Variants in BNC2 observed in about 807,000 individuals in gnomAD.
BNC2 encodes the protein zinc finger protein basonuclin-2.
BNC2 carries 20 observed loss-of-function variants against 76.3 expected under a neutral mutation model. The ratio of observed to expected loss-of-function variants is 0.26; its 90% CI spans 0.18 to 0.38. BNC2 has a LOEUF of 0.38. Among genes scored for constraint, BNC2 ranks in the 10% least tolerant of loss-of-function variants. The pLI is 1.00. For missense variants in BNC2, 1,382 were observed against 1,399.8 expected, an observed-to-expected ratio of 0.99 and a Z score of 0.20; for synonymous variants, 582 against 514.8, an observed-to-expected ratio of 1.13 and a Z score of -1.77.
At chr9:16,560,720 G>T (rs758880898) in intron 4 of BNC2, among the ~76,000 whole-genome samples, 2 of 152,108 alleles carry the variant, frequency 1.3e-5, no homozygotes, top group Admixed American at 6.6e-5. Context: ...GAATGAGACC[G>T]CATCTCTAAA....
chr9:16,808,260 G>C lies in BNC2; in HGVS notation c.3+62386C>G, dbSNP rs570977333. Among the ~76,000 whole-genome samples the C allele has an allele frequency of 2.0e-5, 3 of 152,030 alleles. No homozygotes were observed. The South Asian group carries it at 6.2e-4, about 32-fold the overall frequency. ...ACTGACAGCAAATTATCTTTTGTTA[G>C]GCTAATTACCCACCATTTTCATTAT... On this transcript the variant is annotated intron_variant, in intron 1 of 6. Coordinates refer to ENST00000380672, the MANE Select transcript of BNC2 (RefSeq NM_017637.6).
intron 3 of BNC2, among the ~76,000 whole-genome samples, chr9:16,721,018 C>A (rs1297448240): frequency 2.0e-5 from 3 of 152,138 alleles, no homozygotes; most frequent in Non-Finnish European, 4.4e-5. Flanking sequence ...ATAATCAATA[C>A]TTTTATTTTT....
chr9:16,595,802 C>T (rs1004233356), intron 3 of BNC2, among the ~76,000 whole-genome samples: 2 of 152,042 alleles, frequency 1.3e-5, no homozygotes, highest in African/African-American at 4.8e-5. Flanking sequence ...AATGCTTCAA[C>T]ATCACTGAGC....
chr9:16,484,943 A>G (rs1822130255), intron 5 of BNC2, among the ~76,000 whole-genome samples: 1 of 152,204 alleles, frequency 6.6e-6, no homozygotes, highest in South Asian at 2.1e-4. Context: ...GCAACCTGGT[A>G]TCAGGGAGCT....
At chr9:16,575,868 T>C (rs892969861) in intron 4 of BNC2, among the ~76,000 whole-genome samples, 1 of 152,172 alleles carries the variant, frequency 6.6e-6, no homozygotes, top group South Asian at 2.1e-4. Context: ...AAAGAGAATT[T>C]TGCAGCTAGG....
intron 3 of BNC2, among the ~76,000 whole-genome samples, chr9:16,643,759 G>A (rs890908174): frequency 1.3e-5 from 2 of 151,930 alleles, no homozygotes; most frequent in Non-Finnish European, 2.9e-5. Context: ...TTCTTCTGGA[G>A]TAAATGGGAC....
rs1296413732 is a variant in BNC2 at position 16,758,243 on chromosome 9, T to C, written c.4-19758A>G. Among the ~76,000 whole-genome samples the C allele has an allele frequency of 3.3e-5, 5 of 152,356 alleles. No individual in the cohort carries two copies. The East Asian group carries it at 7.7e-4, about 24-fold the overall frequency. On this transcript the variant is annotated intron_variant, in intron 1 of 6. Coordinates refer to ENST00000380672, the MANE Select transcript of BNC2 (RefSeq NM_017637.6). ...CACAGCTGGGAAAAGTTCTCAGCTT[T>C]TAATGATTCATGTGATTAGACTGGG... is the stretch of plus-strand genomic sequence containing the variant.
intron 3 of BNC2, among the ~76,000 whole-genome samples, chr9:16,663,212 C>G (rs1822165435): frequency 6.6e-6 from 1 of 150,944 alleles, no homozygotes; most frequent in South Asian, 2.1e-4. Context: ...TCACTGCAAC[C>G]TCCACCTCCC....
intron 5 of BNC2, among the ~76,000 whole-genome samples, chr9:16,443,769 A>C (rs1587033412): frequency 6.6e-6 from 1 of 152,174 alleles, no homozygotes; most frequent in Non-Finnish European, 1.5e-5. Context: ...TACTGTTCCA[A>C]GCATATGAAA....
intron 5 of BNC2, among the ~76,000 whole-genome samples, chr9:16,550,997 T>C (rs569811302): frequency 1.8e-4 from 28 of 152,188 alleles, no homozygotes; most frequent in Non-Finnish European, 3.2e-4. Context: ...CAGTTCCTGA[T>C]TTATTTTTCC....
At position 16,545,524 on chromosome 9, in the gene BNC2, G is replaced by T. The variant is rs549232357; in HGVS notation, c.669+7006C>A. 9.2e-4 allele frequency among the ~76,000 whole-genome samples: 140 copies of T among 152,286 alleles called. 1 individual carries two copies. Among genetic ancestry groups the T allele is most frequent in the African/African-American group, 3.2e-3 (133 of 41,550 alleles). On this transcript the variant is annotated intron_variant, in intron 5 of 6. Coordinates refer to ENST00000380672, the MANE Select transcript of BNC2 (RefSeq NM_017637.6). ...ATCTAGTAAGACCTGAAGCCAGGAT[G>T]CAAGCCCATGAATCTGCCTTCACTG...
chr9:16,552,449 T>G, intron 5 of BNC2, 81 bp downstream of exon 5: 1 of 1,172,564 alleles, frequency 8.5e-7, no homozygotes. Flanking sequence ...CAGCCCTTCC[T>G]GCGAGGTTTG....
At position 16,513,833 on chromosome 9, in the gene BNC2, T is replaced by C. The variant is rs189259898; in HGVS notation, c.669+38697A>G. The stretch of plus-strand genomic sequence containing the variant: ...GCTACAGGTGAAATACTATGAATGA[T>C]GAACTAGGGAGTTTCTTAATGGAAC... On this transcript the variant is annotated intron_variant, in intron 5 of 6. Coordinates refer to ENST00000380672, the MANE Select transcript of BNC2 (RefSeq NM_017637.6). Among the ~76,000 whole-genome samples, 168 of 152,218 alleles carry C rather than the reference T, an allele frequency of 1.1e-3. 2 individuals carry two copies. Among genetic ancestry groups the C allele is most frequent in the African/African-American group, 3.8e-3 (158 of 41,528 alleles).
chr9:16,585,540 T>A (rs1819744320), intron 3 of BNC2, among the ~76,000 whole-genome samples: 1 of 152,260 alleles, frequency 6.6e-6, no homozygotes, highest in East Asian at 1.9e-4. Context: ...TTATATATAT[T>A]TAAACAATAT....
chr9:16,450,692 C>G (rs953706636), intron 5 of BNC2, among the ~76,000 whole-genome samples: 1 of 152,186 alleles, frequency 6.6e-6, no homozygotes, highest in East Asian at 1.9e-4. Flanking sequence ...CATACAGTAA[C>G]TCTTGGTGCA....
At chr9:16,430,601 C>T (rs7859226) in intron 6 of BNC2, among the ~76,000 whole-genome samples, 56,852 of 152,004 alleles carry the variant, frequency 0.37, 10,977 homozygotes, top group South Asian at 0.54. Flanking sequence ...TCACCTCTGT[C>T]GTTAATGTAT....
intron 5 of BNC2, among the ~76,000 whole-genome samples, chr9:16,500,776 ACT>A (rs2131773317): frequency 6.6e-6 from 1 of 152,210 alleles, no homozygotes; most frequent in South Asian, 2.1e-4. Flanking sequence ...CACACCCATC[ACT>A]CTGTTTTAAG....
At chr9:16,796,619 A>AAAGGG (rs1817659567) in intron 1 of BNC2, among the ~76,000 whole-genome samples, 2 of 149,876 alleles carry the variant, frequency 1.3e-5, no homozygotes, top group South Asian at 4.4e-4. Flanking sequence ...AGGGAAAGGG[A>AAAGGG]AAGGGAAGGG....
chr9:16,503,965 G>C (rs565901564), intron 5 of BNC2, among the ~76,000 whole-genome samples: 21 of 152,100 alleles, frequency 1.4e-4, no homozygotes, highest in Non-Finnish European at 1.5e-4. Context: ...TAACCTTGTA[G>C]TGAATCAGAA....
Sources: allele counts gnomAD v4.1 joint callset (sites outside exome capture counted in the v4.1 genomes callset), GRCh38; gene constraint gnomAD v4.1.1; transcripts MANE v1.5; gene names NCBI Gene and HGNC (gene_info 2026-07-23, HGNC 2026-07-21).